PTPRD: variants seen among roughly 807,000 people sequenced by gnomAD.
PTPRD encodes the protein receptor-type tyrosine-protein phosphatase delta.
A neutral mutation model predicts 214.5 loss-of-function variants in PTPRD; 34 were observed. The ratio of observed to expected loss-of-function variants is 0.16; its 90% CI spans 0.12 to 0.21. The LOEUF is 0.21. Ranked by LOEUF, PTPRD falls within the 10% of genes least tolerant of loss-of-function variation. The probability of loss-of-function intolerance (pLI) is 1.00; values close to 1 mark genes in which losing one functional copy is unlikely to be tolerated. For synonymous variants in PTPRD, 1,128 were observed against 845.7 expected, an observed-to-expected ratio of 1.33 and a Z score of -5.79; for missense variants, 2,545 against 2,398.7, an observed-to-expected ratio of 1.06 and a Z score of -1.27.
At chr9:8,389,141 G>A in intron 37 of PTPRD, 91 bp downstream of exon 37, 2 of 1,124,306 alleles carry the variant, frequency 1.8e-6, no homozygotes, top group Non-Finnish European at 2.5e-6. Context: ...AAGCCTTAGG[G>A]AAAGGTTAGA....
intron 21 of PTPRD, among the ~76,000 whole-genome samples, chr9:8,508,898 T>C (rs865821418): frequency 3.3e-4 from 48 of 145,660 alleles, no homozygotes; most frequent in Middle Eastern, 3.6e-3. Context: ...TGTCTGTGTG[T>C]GTGTGTGTGT....
At chr9:8,763,139 T>A (rs1316541821) in intron 11 of PTPRD, among the ~76,000 whole-genome samples, 2 of 152,086 alleles carry the variant, frequency 1.3e-5, no homozygotes, top group African/African-American at 4.8e-5. Context: ...CTACTGAAGA[T>A]CTCAAAAAGA....
At chr9:9,318,439 T>C (rs1339589763) in intron 9 of PTPRD, among the ~76,000 whole-genome samples, 2 of 152,086 alleles carry the variant, frequency 1.3e-5, no homozygotes, top group African/African-American at 2.4e-5. Flanking sequence ...CAAGAAATGA[T>C]CATAGTTTGA....
At chr9:10,261,092 T>G (rs112865780) in intron 3 of PTPRD, among the ~76,000 whole-genome samples, 3,320 of 142,456 alleles carry the variant, frequency 0.023, 57 homozygotes, top group Non-Finnish European at 0.036. Flanking sequence ...TATATATATA[T>G]ATATAGAGAG....
chr9:9,621,379 T>C (rs16929917), intron 7 of PTPRD, among the ~76,000 whole-genome samples: 43,414 of 152,112 alleles, frequency 0.29, 6,579 homozygotes, highest in Non-Finnish European at 0.33. Flanking sequence ...CATCCTATTT[T>C]ATTATAGAAA....
chr9:10,014,755 T>C (rs138947377), intron 4 of PTPRD, among the ~76,000 whole-genome samples: 78 of 152,152 alleles, frequency 5.1e-4, no homozygotes, highest in African/African-American at 1.8e-3. Flanking sequence ...TAAAATTATA[T>C]GATATAGACC....
At chr9:9,153,362 C>T (rs1207455718) in intron 10 of PTPRD, among the ~76,000 whole-genome samples, 1 of 152,108 alleles carries the variant, frequency 6.6e-6, no homozygotes, top group East Asian at 1.9e-4. Flanking sequence ...TACGATATAA[C>T]AGGTCTGTGT....
At chr9:9,229,680 G>A (rs2099961860) in intron 9 of PTPRD, among the ~76,000 whole-genome samples, 1 of 152,064 alleles carries the variant, frequency 6.6e-6, no homozygotes, top group African/African-American at 2.4e-5. Flanking sequence ...TCTTAGGAGA[G>A]ACAAAGCTGG....
chr9:10,568,063 C>A (rs1360679391), intron 2 of PTPRD, among the ~76,000 whole-genome samples: 17 of 150,564 alleles, frequency 1.1e-4, no homozygotes, highest in African/African-American at 1.2e-4. Flanking sequence ...TGTGCTGCAC[C>A]CATTAACTCG....
chr9:10,282,986 T>C (rs1444218725), intron 3 of PTPRD, among the ~76,000 whole-genome samples: 1 of 152,136 alleles, frequency 6.6e-6, no homozygotes, highest in East Asian at 1.9e-4. Context: ...CATTTTTTCA[T>C]TAATATCTGT....
chr9:9,324,151 C>T (rs894151034), intron 9 of PTPRD, among the ~76,000 whole-genome samples: 9 of 152,268 alleles, frequency 5.9e-5, no homozygotes, highest in Admixed American at 2.0e-4. Flanking sequence ...AATAAACATA[C>T]GTGTGCATGT....
At chr9:8,445,303 C>T (rs1043229633) in intron 34 of PTPRD, among the ~76,000 whole-genome samples, 1 of 152,086 alleles carries the variant, frequency 6.6e-6, no homozygotes, top group South Asian at 2.1e-4. Flanking sequence ...GATTAGGTAG[C>T]TCATGTTGTC....
chr9:10,313,059 A>T (rs1258214772), intron 3 of PTPRD, among the ~76,000 whole-genome samples: 1 of 151,876 alleles, frequency 6.6e-6, no homozygotes, highest in Non-Finnish European at 1.5e-5. Context: ...TGTCCTCTCC[A>T]TTCTTCCTCT....
At position 10,088,631 on chromosome 9, in the gene PTPRD, G is replaced by A. The variant is rs75480633; in HGVS notation, c.-544-54841C>T. 3.9e-3 allele frequency among the ~76,000 whole-genome samples: 599 copies of A among 151,832 alleles called. 5 individuals carry two copies. The highest frequency in any genetic ancestry group is 0.014 in the African/African-American group (563 of 41,484). On this transcript the variant is annotated intron_variant, in intron 3 of 45. Coordinates refer to ENST00000381196, the MANE Select transcript of PTPRD (RefSeq NM_002839.4). ...ACTGAACACAAAATGTCTGCAATGT[G>A]GGGGCAGTAGTCAAGTATTACTGAC...
At chr9:8,909,168 A>G (rs1367812144) in intron 11 of PTPRD, among the ~76,000 whole-genome samples, 1 of 151,986 alleles carries the variant, frequency 6.6e-6, no homozygotes, top group Non-Finnish European at 1.5e-5. Context: ...GCCCAAGATC[A>G]CATTGTTTCC....
Position 8,507,327 on chromosome 9 carries a change from A to G in PTPRD, c.1651T>C (p.Tyr551His). The G allele has an allele frequency of 6.2e-7, 1 of 1,614,014 alleles. No homozygotes were observed. Among genetic ancestry groups the G allele is most frequent in the African/African-American group, 1.3e-5 (1 of 75,054 alleles). Residue 551 changes from tyrosine to histidine, a missense_variant, in exon 22 of 46, where the codon TAC becomes CAC. By Grantham distance (83) the Tyr-to-His change is moderately conservative (BLOSUM62 2). Coordinates refer to ENST00000381196, the MANE Select transcript of PTPRD (RefSeq NM_002839.4). Reference sequence around the variant, plus strand: ...TCCTCTCCATGCTCCCCATCTTTGTAGACCAGTTCATAGTTGGCAATGGTA... The same window carrying G: ...TCCTCTCCATGCTCCCCATCTTTGTGGACCAGTTCATAGTTGGCAATGGTA... ...SDTIANYELV[Y>H]KDGEHGEEQR...
At position 9,225,665 on chromosome 9, in the gene PTPRD, C is replaced by T. The variant is rs17667777; in HGVS notation, c.-202-42302G>A. On this transcript the variant is annotated intron_variant, in intron 9 of 45. Transcript: ENST00000381196. ...ATAATCTTTTTCATGTAAAGGATAG[C>T]GCATTTAAGAATTCTAGACTCTGGC... 7.2e-3 allele frequency among the ~76,000 whole-genome samples: 1,089 copies of T among 152,004 alleles called. 5 individuals carry two copies. The highest frequency in any genetic ancestry group is 0.012 in the Non-Finnish European group (826 of 67,934).
rs372622379 is a variant in PTPRD, at chr9:8,338,976, A to C, written c.5325T>G (p.Ala1775=). Residue 1775 remains alanine (A), a synonymous_variant, in exon 43 of 46, where the codon GCT becomes GCG. Coordinates refer to ENST00000381196, the MANE Select transcript of PTPRD (RefSeq NM_002839.4). ...GGATATACTGTGGCATGTTGTACTC[A>C]GCCATGGGATCTACAACAAAGTACT... ...RYQYFVVDPM[A]EYNMPQYILR... 2.0e-5 allele frequency: 32 copies of C among 1,612,400 alleles called. No homozygotes were observed. The highest frequency in any genetic ancestry group is 2.7e-5 in the Non-Finnish European group (32 of 1,178,930).
chr9:8,751,460 A>G (rs2093524727), intron 11 of PTPRD, among the ~76,000 whole-genome samples: 1 of 152,210 alleles, frequency 6.6e-6, no homozygotes, highest in Non-Finnish European at 1.5e-5. Flanking sequence ...TTTGTAGATC[A>G]AAGCCTTTTT....
Sources: gnomAD v4.1 joint callset for allele counts (sites outside exome capture counted in the v4.1 genomes callset) on GRCh38, gnomAD v4.1.1 for gene constraint, MANE v1.5 for transcripts, NCBI Gene and HGNC (gene_info 2026-07-23, HGNC 2026-07-21) for gene names.